DENND1B: variants seen among roughly 807,000 people sequenced by gnomAD.
DENND1B encodes DENN domain-containing protein 1B.
In DENND1B, 59 loss-of-function variants were observed where a neutral mutation model predicts 90.1. That is an observed-to-expected ratio of 0.65 (90% CI 0.53 to 0.81). The LOEUF (loss-of-function observed/expected upper bound fraction) is 0.81, where lower values mean the gene tolerates loss of function less well. Among genes scored for constraint, DENND1B ranks in the 40% least tolerant of loss-of-function variants. The pLI is 0.00. For missense variants in DENND1B, 862 were observed against 912.6 expected (o/e 0.94, Z 0.71); for synonymous variants, 337 against 324.6 (o/e 1.04, Z -0.41).
intron 5 of DENND1B, among the ~76,000 whole-genome samples, chr1:197,663,137 A>C (rs548730898): frequency 1.1e-3 from 162 of 152,224 alleles, no homozygotes; most frequent in Admixed American, 2.9e-3. Flanking sequence ...AAAGACTCAT[A>C]ATTGTATCAT....
At chr1:197,746,904 C>T in intron 2 of DENND1B, 1 of 1,604,346 alleles carries the variant, frequency 6.2e-7, no homozygotes, top group Non-Finnish European at 8.5e-7. Context: ...ATCTTTACAC[C>T]AAGCTCTCGA....
chr1:197,767,003 A>T (rs1164468410), intron 2 of DENND1B, among the ~76,000 whole-genome samples: 1 of 152,068 alleles, frequency 6.6e-6, no homozygotes, highest in Non-Finnish European at 1.5e-5. Flanking sequence ...TATGTTGGCC[A>T]GGCTGGTCTC....
chr1:197,746,523 T>A (rs1571595413), intron 2 of DENND1B, among the ~76,000 whole-genome samples: 1 of 152,196 alleles, frequency 6.6e-6, no homozygotes, highest in Non-Finnish European at 1.5e-5. Flanking sequence ...TTTCTATATT[T>A]TTTCTTACAT....
At chr1:197,562,779 C>T (rs923376176) in intron 15 of DENND1B, among the ~76,000 whole-genome samples, 2 of 151,916 alleles carry the variant, frequency 1.3e-5, no homozygotes, top group African/African-American at 2.4e-5. Flanking sequence ...AAAGCCAGGC[C>T]TCTTGCACCA....
intron 2 of DENND1B, among the ~76,000 whole-genome samples, chr1:197,745,637 T>C (rs1242748350): frequency 6.8e-6 from 1 of 146,080 alleles, no homozygotes; most frequent in Non-Finnish European, 1.5e-5. Context: ...TATATATATA[T>C]ATAATATATA....
intron 22 of DENND1B, among the ~76,000 whole-genome samples, chr1:197,511,437 A>G (rs1668020985): frequency 1.3e-5 from 2 of 151,830 alleles, no homozygotes; most frequent in African/African-American, 2.4e-5. Flanking sequence ...CATTTTAAAA[A>G]TTCCCCAGAG....
intron 3 of DENND1B, among the ~76,000 whole-genome samples, chr1:197,697,938 A>C (rs1658611604): frequency 6.6e-6 from 1 of 152,130 alleles, no homozygotes; most frequent in Admixed American, 6.6e-5. Flanking sequence ...AGAGACCTAC[A>C]AAGAGACTTA....
chr1:197,638,730 A>G (rs74134859), intron 10 of DENND1B, among the ~76,000 whole-genome samples: 4,994 of 152,262 alleles, frequency 0.033, 271 homozygotes, highest in African/African-American at 0.11. Flanking sequence ...CTGCTAGTCT[A>G]CCAAGATTCG....
At chr1:197,534,936 T>C (rs914645585) in intron 20 of DENND1B, among the ~76,000 whole-genome samples, 3 of 152,224 alleles carry the variant, frequency 2.0e-5, no homozygotes, top group African/African-American at 7.2e-5. Context: ...GCATCAGCTT[T>C]CTGCCTCTTC....
chr1:197,627,055 G>C (rs1237478955), intron 10 of DENND1B, among the ~76,000 whole-genome samples: 2 of 151,836 alleles, frequency 1.3e-5, no homozygotes, highest in Non-Finnish European at 2.9e-5. Flanking sequence ...CAAACCAAAA[G>C]AGTCCAGGAC....
chr1:197,622,780 C>A (rs1183909506), intron 10 of DENND1B, among the ~76,000 whole-genome samples: 1 of 151,420 alleles, frequency 6.6e-6, no homozygotes, highest in Admixed American at 6.6e-5. Flanking sequence ...CCAAAGTTGT[C>A]CTGCTTTGTG....
intron 13 of DENND1B, among the ~76,000 whole-genome samples, chr1:197,601,165 T>C (rs1293051754): frequency 6.6e-6 from 1 of 151,804 alleles, no homozygotes; most frequent in Non-Finnish European, 1.5e-5. Context: ...TCAGGGTATA[T>C]GTTTGCTTGT....
intron 13 of DENND1B, among the ~76,000 whole-genome samples, chr1:197,597,925 A>T (rs1403507967): frequency 1.3e-5 from 2 of 151,840 alleles, no homozygotes; most frequent in Non-Finnish European, 2.9e-5. Flanking sequence ...AAACTCAATA[A>T]TGTTCATATT....
At chr1:197,586,516 G>A (rs983967551) in intron 14 of DENND1B, among the ~76,000 whole-genome samples, 16 of 152,024 alleles carry the variant, frequency 1.1e-4, no homozygotes, top group African/African-American at 2.9e-4. Flanking sequence ...CACTGATATC[G>A]ACAGTAACAA....
At chr1:197,544,983 G>A (rs61829271) in intron 18 of DENND1B, among the ~76,000 whole-genome samples, 5 of 50,402 alleles carry the variant, frequency 9.9e-5, no homozygotes, top group Non-Finnish European at 1.1e-4. Flanking sequence ...AAGGAGGAAG[G>A]GGAAGAAGGA....
At chr1:197,658,513 C>A in intron 5 of DENND1B, 144 bp from the exon 6 acceptor site, 1 of 522,194 alleles carries the variant, frequency 1.9e-6, no homozygotes, top group Non-Finnish European at 3.4e-6. Context: ...ACTTTTTCAG[C>A]AAAGTTTTAC....
At chr1:197,561,142 T>C (rs927872378) in intron 15 of DENND1B, among the ~76,000 whole-genome samples, 1 of 151,990 alleles carries the variant, frequency 6.6e-6, no homozygotes, top group African/African-American at 2.4e-5. Flanking sequence ...TCTCTAGTTA[T>C]GTGCTATTCC....
At position 197,546,772 on chromosome 1, in the gene DENND1B, C is replaced by T. The variant is rs1670844764; in HGVS notation, c.1242G>A (p.Gly414=). ...EEITSGGFCG[G]NPRSYQQWVH... ...CCCATTGTTGATATGACCTCGGGTT[C>T]CCTGGAATATATAAAAATGAGATGC... Residue 414 remains glycine (G), a splice_region_variant and synonymous_variant, in exon 17 of 23, where the codon GGG becomes GGA. Transcript: ENST00000620048. 4 of 1,542,832 alleles carry T rather than the reference C, an allele frequency of 2.6e-6. No individual in the cohort carries two copies. Among genetic ancestry groups the T allele is most frequent in the Non-Finnish European group, 2.6e-6 (3 of 1,144,988 alleles).
intron 2 of DENND1B, among the ~76,000 whole-genome samples, chr1:197,717,769 G>A (rs1660777816): frequency 6.6e-6 from 1 of 151,658 alleles, no homozygotes; most frequent in South Asian, 2.1e-4. Flanking sequence ...GCCCTTAACT[G>A]AAAACAAAAT....
Sources: gnomAD v4.1 joint callset for allele counts (sites outside exome capture counted in the v4.1 genomes callset) on GRCh38, gnomAD v4.1.1 for gene constraint, MANE v1.5 for transcripts, NCBI Gene and HGNC (gene_info 2026-07-23, HGNC 2026-07-21) for gene names.